Variants in SLC44A3 observed in about 807,000 individuals in gnomAD.
SLC44A3 encodes the protein choline transporter-like protein 3.
In SLC44A3, 74 loss-of-function variants were observed where a neutral mutation model predicts 75.4. The observed-to-expected ratio is 0.98, with a 90% CI of 0.81 to 1.19. The LOEUF (loss-of-function observed/expected upper bound fraction) is 1.19. Among genes scored for constraint, SLC44A3 ranks in the 50% most tolerant of loss-of-function variants. The pLI is 0.00. For missense variants in SLC44A3, 700 were observed against 778.6 expected (o/e 0.90, Z 1.20); for synonymous variants, 310 against 296.9 (o/e 1.04, Z -0.45).
Position 94,867,362 on chromosome 1 carries a change from G to C in SLC44A3, c.1427G>C (p.Arg476Pro). The change falls in exon 12 of 15, where the codon CGA becomes CCA. Residue 476 changes from arginine (R) to proline (P), a missense_variant. Physicochemically the swap from Arg to Pro is moderately radical, Grantham distance 103 (BLOSUM62 -2). Coordinates refer to ENST00000271227, the MANE Select transcript of SLC44A3 (RefSeq NM_001114106.3). ...QHGALSRYLF[R>P]CCYCCFWCLD... ...GGTGCATTGTCCAGGTACCTGTTCC[G>C]ATGCTGCTACTGCTGTTTCTGGTGT... is the stretch of plus-strand genomic sequence containing the variant. 6.2e-7 allele frequency: 1 copy of C among 1,602,268 alleles called. No homozygotes were observed. Among genetic ancestry groups the C allele is most frequent in the Non-Finnish European group, 8.5e-7 (1 of 1,173,010 alleles).
At chr1:94,852,405 GC>G (rs939149932) in intron 9 of SLC44A3, among the ~76,000 whole-genome samples, 3 of 152,192 alleles carry the variant, frequency 2.0e-5, no homozygotes, top group Non-Finnish European at 4.4e-5. Context: ...ACCATCTAAA[GC>G]AAGGGGAAAC....
At chr1:94,845,013 T>C (rs1000599198) in intron 8 of SLC44A3, among the ~76,000 whole-genome samples, 6 of 152,210 alleles carry the variant, frequency 3.9e-5, no homozygotes, top group African/African-American at 1.4e-4. Context: ...ATTTTATCTT[T>C]TTCACTGACC....
chr1:94,881,381 G>T (rs993941506), intron 12 of SLC44A3, among the ~76,000 whole-genome samples: 1 of 152,140 alleles, frequency 6.6e-6, no homozygotes, highest in Admixed American at 6.5e-5. Flanking sequence ...TCAGTTCTGG[G>T]CTTCAAATCA....
At chr1:94,892,979 A>G (rs1670388983) in intron 14 of SLC44A3, among the ~76,000 whole-genome samples, 1 of 152,248 alleles carries the variant, frequency 6.6e-6, no homozygotes, top group African/African-American at 2.4e-5. Flanking sequence ...CAGTATTGAC[A>G]GATCTGCAAT....
chr1:94,820,646 C>T (rs1009621031), intron 1 of SLC44A3, 168 bp downstream of exon 1: 45 of 1,385,174 alleles, frequency 3.2e-5, no homozygotes, highest in Non-Finnish European at 4.0e-5. Context: ...CTGGACCCTG[C>T]TCCAGTGCTG....
At position 94,889,620 on chromosome 1, in the gene SLC44A3, G is replaced by A. The variant is rs185685465; in HGVS notation, c.1483-1510G>A. ...ATGCTTAAGAAATTATCTAAAATCAGGAAATCAAGAGTTCATTGCATAGTT... is the reference window on the plus strand; with the variant it reads ...ATGCTTAAGAAATTATCTAAAATCAAGAAATCAAGAGTTCATTGCATAGTT... On this transcript the variant is annotated intron_variant, in intron 12 of 14. Coordinates refer to ENST00000271227, the MANE Select transcript of SLC44A3 (RefSeq NM_001114106.3). Among the ~76,000 whole-genome samples, 35 of 151,756 alleles carry A rather than the reference G, an allele frequency of 2.3e-4. No homozygotes were observed. The East Asian group carries it at 6.4e-3, about 28-fold the overall frequency.
In SLC44A3 at chr1:94,892,310, A is replaced by C. The variant is rs1386786183; in HGVS notation, c.1650A>C (p.Gly550=). 1 of 1,614,022 alleles carries C rather than the reference A, an allele frequency of 6.2e-7. No individual in the cohort carries two copies. Among genetic ancestry groups the C allele is most frequent in the African/African-American group, 1.3e-5 (1 of 74,912 alleles). The change falls in exon 14 of 15, where the codon GGA becomes GGC. Residue 550 remains glycine, a synonymous_variant. Coordinates refer to ENST00000271227, the MANE Select transcript of SLC44A3 (RefSeq NM_001114106.3). The stretch of plus-strand genomic sequence containing the variant: ...TAGTGGTGTGTTTCACTGTTTTTGG[A>C]GGACTCATGGCTTTTAACTACAATC... The part of the protein sequence containing the change: ...KVLVVCFTVF[G]GLMAFNYNRA...
chr1:94,840,283 CTTT>C (rs56383271), intron 7 of SLC44A3, among the ~76,000 whole-genome samples: 7 of 77,356 alleles, frequency 9.0e-5, no homozygotes, highest in Non-Finnish European at 1.1e-4. Context: ...TTTCTTTTTC[CTTT>C]TTTTTTTTTT....
chr1:94,867,275 TTTC>T, intron 11 of SLC44A3, 53 bp from the exon 12 acceptor site: 2 of 1,441,128 alleles, frequency 1.4e-6, no homozygotes, highest in Non-Finnish European at 1.9e-6. Flanking sequence ...ACTGCCTGCT[TTTC>T]TTCTTTCCTG....
intron 9 of SLC44A3, among the ~76,000 whole-genome samples, chr1:94,854,733 C>T (rs1428032150): frequency 6.6e-6 from 1 of 151,710 alleles, no homozygotes. Flanking sequence ...CCGCGCCCCC[C>T]GGTGACTTTT....
chr1:94,895,174 A>G lies in SLC44A3; in HGVS notation c.*252A>G. On this transcript the variant is annotated 3_prime_UTR_variant, in exon 15 of 15. Coordinates refer to ENST00000271227, the MANE Select transcript of SLC44A3 (RefSeq NM_001114106.3). ...ACCATGTTTATATGCATCAACTTAC[A>G]AAGTACACTATGTAAGAACTGAGGT... 2.8e-6 allele frequency: 1 copy of G among 361,278 alleles called. No homozygotes were observed. Among genetic ancestry groups the G allele is most frequent in the Non-Finnish European group, 5.1e-6 (1 of 196,556 alleles). The allele number at this position is 361,278 out of a possible 1,614,324, so 22.4% of individuals were successfully genotyped here.
intron 5 of SLC44A3, among the ~76,000 whole-genome samples, chr1:94,833,047 C>G (rs1662326858): frequency 6.6e-6 from 1 of 152,010 alleles, no homozygotes; most frequent in Admixed American, 6.6e-5. Context: ...ACTTCTGCCC[C>G]CTGCACGCTT....
intron 7 of SLC44A3, among the ~76,000 whole-genome samples, chr1:94,840,686 C>T (rs1194671843): frequency 6.6e-6 from 1 of 152,216 alleles, no homozygotes; most frequent in African/African-American, 2.4e-5. Context: ...AATCCCAGTA[C>T]CCACTGGGAG....
At chr1:94,828,353 T>C (rs1394203760) in intron 4 of SLC44A3, 140 bp from the exon 5 acceptor site, 1 of 568,046 alleles carries the variant, frequency 1.8e-6, no homozygotes, top group African/African-American at 1.9e-5. Context: ...CCTCAGATTG[T>C]ATGCCTATTA....
At chr1:94,838,188 C>T (rs891901134) in intron 6 of SLC44A3, among the ~76,000 whole-genome samples, 5 of 152,190 alleles carry the variant, frequency 3.3e-5, no homozygotes, top group African/African-American at 1.2e-4. Context: ...ATACAACTGT[C>T]AGGGTGACCA....
At position 94,892,592 on chromosome 1, in the gene SLC44A3, A is replaced by G. The variant is rs568428511; in HGVS notation, c.1857+75A>G. ...AAAGTTTTGTAAAGCTGCACACACG[A>G]AAGAGGCTCATACCCAGCCTCTCTC... On this transcript the variant is annotated intron_variant, in intron 14 of 14. Coordinates refer to ENST00000271227, the MANE Select transcript of SLC44A3 (RefSeq NM_001114106.3). 44 of 1,391,992 alleles carry G rather than the reference A, an allele frequency of 3.2e-5. No homozygotes were observed. The South Asian group carries it at 4.8e-4, about 15-fold the overall frequency. The allele number at this position is 1,391,992 out of a possible 1,614,324, so 86.2% of individuals were successfully genotyped here. A position where few individuals can be genotyped will look rare whatever the true frequency, so the allele number is the denominator to read the frequency against.
chr1:94,884,428 G>A (rs1571452435), intron 12 of SLC44A3, among the ~76,000 whole-genome samples: 1 of 152,212 alleles, frequency 6.6e-6, no homozygotes, highest in African/African-American at 2.4e-5. Context: ...GAAGGCCCCT[G>A]GATGTATGGG....
At chr1:94,871,490 G>T (rs1216744380) in intron 12 of SLC44A3, among the ~76,000 whole-genome samples, 1 of 152,180 alleles carries the variant, frequency 6.6e-6, no homozygotes, top group African/African-American at 2.4e-5. Context: ...GAGACTACAG[G>T]CTAAGCACTC....
Position 94,868,730 on chromosome 1 carries a change from A to G in SLC44A3, c.1482+1313A>G, listed in dbSNP as rs115584055. Among the ~76,000 whole-genome samples, 759 of 152,372 alleles carry G rather than the reference A, an allele frequency of 5.0e-3. 11 individuals are homozygous for G. Among genetic ancestry groups the G allele is most frequent in the African/African-American group, 0.017 (722 of 41,584 alleles). On this transcript the variant is annotated intron_variant, in intron 12 of 14. Transcript: ENST00000271227. ...TAAAGTCTAAGAAACATATAGATAG[A>G]CTAGAAAGACAAAAGCAATGAATGG...
Sources: allele counts gnomAD v4.1 joint callset (sites outside exome capture counted in the v4.1 genomes callset), GRCh38; gene constraint gnomAD v4.1.1; transcripts MANE v1.5; gene names NCBI Gene and HGNC (gene_info 2026-07-23, HGNC 2026-07-21).